Variants in QTMAN observed in about 807,000 individuals in gnomAD.
QTMAN encodes tRNA-queuosine alpha-mannosyltransferase.
chr2:143,953,417 A>G, the QTMAN span, among the ~76,000 whole-genome samples: 2 of 151,776 alleles, frequency 1.3e-5, no homozygotes, highest in African/African-American at 2.4e-5. Context: ...AAAAACTCTC[A>G]TGAAGATTAC....
the QTMAN span, among the ~76,000 whole-genome samples, chr2:144,289,029 C>CTTTT: frequency 2.1e-4 from 24 of 115,960 alleles, no homozygotes; most frequent in Non-Finnish European, 2.5e-4. Flanking sequence ...CAAGAAAATT[C>CTTTT]TTTTTTTTTT....
chr2:144,281,344 C>A, the QTMAN span, among the ~76,000 whole-genome samples: 1 of 100,922 alleles, frequency 9.9e-6, no homozygotes, highest in Non-Finnish European at 1.9e-5. Flanking sequence ...GAGAAATTCA[C>A]AAGATATACA....
the QTMAN span, among the ~76,000 whole-genome samples, chr2:144,232,762 A>G: frequency 6.6e-6 from 1 of 152,212 alleles, no homozygotes; most frequent in Non-Finnish European, 1.5e-5. Flanking sequence ...AACAGAAAAC[A>G]TATTTACATT....
the QTMAN span, among the ~76,000 whole-genome samples, chr2:144,306,105 G>C: frequency 6.6e-6 from 1 of 152,136 alleles, no homozygotes; most frequent in Non-Finnish European, 1.5e-5. Context: ...CAACATTCTT[G>C]CTCTGTTCCT....
At chr2:144,314,584 G>C in the QTMAN span, among the ~76,000 whole-genome samples, 2 of 152,092 alleles carry the variant, frequency 1.3e-5, no homozygotes, top group Admixed American at 6.6e-5. Context: ...ATGGTGGTGG[G>C]CACCTGTAAT....
At chr2:144,243,345 T>C in the QTMAN span, among the ~76,000 whole-genome samples, 1 of 152,180 alleles carries the variant, frequency 6.6e-6, no homozygotes, top group Non-Finnish European at 1.5e-5. Context: ...ATAATGCCCA[T>C]TTATCTCCAA....
At chr2:144,088,123 G>C in the QTMAN span, among the ~76,000 whole-genome samples, 1 of 151,854 alleles carries the variant, frequency 6.6e-6, no homozygotes, top group African/African-American at 2.4e-5. Context: ...CAAAATCAAT[G>C]TACCAAAATT....
chr2:144,006,215 C>T, the QTMAN span: 1 of 152,232 alleles, frequency 6.6e-6, no homozygotes, highest in African/African-American at 2.4e-5. Context: ...CTACATTTTA[C>T]GTTCATACAT....
the QTMAN span, among the ~76,000 whole-genome samples, chr2:144,133,257 A>ATT: frequency 6.8e-5 from 2 of 29,600 alleles, no homozygotes; most frequent in East Asian, 8.1e-4. Context: ...ATATATATAA[A>ATT]TATATATAAA....
At chr2:144,212,814 G>A in the QTMAN span, among the ~76,000 whole-genome samples, 1 of 152,092 alleles carries the variant, frequency 6.6e-6, no homozygotes, top group Non-Finnish European at 1.5e-5. Context: ...TACTATTAAA[G>A]CTTTTTGAAA....
At chr2:144,007,493 G>T in the QTMAN span, 1 of 1,605,616 alleles carries the variant, frequency 6.2e-7, no homozygotes, top group Non-Finnish European at 8.5e-7. Flanking sequence ...CTTTAAGGCC[G>T]AGCATCTTCT....
chr2:144,121,089 A>T, the QTMAN span, among the ~76,000 whole-genome samples: 5 of 152,078 alleles, frequency 3.3e-5, no homozygotes, highest in African/African-American at 1.2e-4. Context: ...ATCAAGGCCA[A>T]TGGGGATGGC....
chr2:144,129,934 G>A, the QTMAN span, among the ~76,000 whole-genome samples: 7 of 151,696 alleles, frequency 4.6e-5, no homozygotes, highest in Non-Finnish European at 1.0e-4. Flanking sequence ...AATATAGTAA[G>A]AACAAAACAA....
At chr2:144,303,626 C>T in the QTMAN span, among the ~76,000 whole-genome samples, 3 of 152,080 alleles carry the variant, frequency 2.0e-5, no homozygotes, top group African/African-American at 4.8e-5. Flanking sequence ...TAGATACATG[C>T]AAAAACTTTT....
the QTMAN span, among the ~76,000 whole-genome samples, chr2:144,088,468 C>T: frequency 6.6e-6 from 1 of 151,924 alleles, no homozygotes; most frequent in Non-Finnish European, 1.5e-5. Flanking sequence ...TTAGAAAAAA[C>T]AATTCTAAAT....
the QTMAN span, among the ~76,000 whole-genome samples, chr2:144,320,416 T>C: frequency 6.6e-6 from 1 of 152,206 alleles, no homozygotes. Flanking sequence ...CTTACTTCTA[T>C]CCATTCAACT....
the QTMAN span, among the ~76,000 whole-genome samples, chr2:143,977,393 G>T: frequency 2.0e-5 from 3 of 152,170 alleles, no homozygotes; most frequent in Admixed American, 2.0e-4. Flanking sequence ...GGCAAGAAAC[G>T]CAAGAGACTG....
the QTMAN span, chr2:144,208,648 G>T: frequency 1.2e-6 from 2 of 1,613,864 alleles, no homozygotes; most frequent in Non-Finnish European, 1.7e-6. Context: ...ATATAAAGCA[G>T]ATGTCCGGGC....
chr2:144,242,595 C>G, the QTMAN span, among the ~76,000 whole-genome samples: 2 of 152,066 alleles, frequency 1.3e-5, no homozygotes, highest in African/African-American at 4.8e-5. Context: ...ATAGACAGAC[C>G]AATTGTTAGC....
Sources: allele counts gnomAD v4.1 joint callset (sites outside exome capture counted in the v4.1 genomes callset), GRCh38; gene constraint gnomAD v4.1.1; transcripts MANE v1.5; gene names NCBI Gene and HGNC (gene_info 2026-07-23, HGNC 2026-07-21).